KRIT1: variants seen among roughly 807,000 people sequenced by gnomAD.
KRIT1 encodes the protein krev interaction trapped protein 1.
Under a neutral mutation model 95.8 loss-of-function variants are expected in KRIT1, and 45 were observed. That is an observed-to-expected ratio of 0.47 (90% confidence interval 0.37 to 0.60). The LOEUF (loss-of-function observed/expected upper bound fraction) is 0.60, where lower values mean the gene tolerates loss of function less well. Ranked by LOEUF, KRIT1 falls within the 20% of genes least tolerant of loss-of-function variation. KRIT1 has a pLI of 0.00. For synonymous variants in KRIT1, 282 were observed against 278.8 expected, an observed-to-expected ratio of 1.01 and a Z score of -0.11; for missense variants, 788 against 877.5, an observed-to-expected ratio of 0.90 and a Z score of 1.29.
intron 10 of KRIT1, among the ~76,000 whole-genome samples, chr7:92,231,651 G>A (rs1797317274): frequency 6.6e-6 from 1 of 152,134 alleles, no homozygotes; most frequent in African/African-American, 2.4e-5. Context: ...GTGAATAAGA[G>A]TATACTTCCA....
intron 10 of KRIT1, among the ~76,000 whole-genome samples, chr7:92,230,658 A>G (rs545667178): frequency 6.6e-6 from 1 of 152,164 alleles, no homozygotes; most frequent in Non-Finnish European, 1.5e-5. Flanking sequence ...AGAATCATGC[A>G]TGTTTGAGGG....
chr7:92,210,759 G>A (rs1792627238), intron 17 of KRIT1, among the ~76,000 whole-genome samples: 1 of 152,186 alleles, frequency 6.6e-6, no homozygotes, highest in South Asian at 2.1e-4. Flanking sequence ...TGGTGAATGG[G>A]AGACAGTATT....
At chr7:92,232,526 AAAC>A (rs1243084545) in intron 10 of KRIT1, among the ~76,000 whole-genome samples, 1 of 151,126 alleles carries the variant, frequency 6.6e-6, no homozygotes, top group Non-Finnish European at 1.5e-5. Context: ...AAAAAAAAAA[AAAC>A]ACCCCTGCCA....
intron 5 of KRIT1, 145 bp downstream of exon 5, chr7:92,240,848 C>T: frequency 1.4e-6 from 1 of 705,020 alleles, no homozygotes; most frequent in Non-Finnish European, 2.4e-6. Flanking sequence ...TTGGGTGTAC[C>T]TTAAAAAACA....
At chr7:92,235,316 G>C in intron 8 of KRIT1, 87 bp downstream of exon 8, 1 of 1,308,702 alleles carries the variant, frequency 7.6e-7, no homozygotes. Flanking sequence ...TTTATAATTA[G>C]TAATAGATGT....
intron 5 of KRIT1, among the ~76,000 whole-genome samples, chr7:92,238,215 C>T (rs992296934): frequency 5.9e-5 from 9 of 152,156 alleles, no homozygotes; most frequent in African/African-American, 1.7e-4. Context: ...TCTGATTGGG[C>T]TACAAACTAT....
intron 10 of KRIT1, among the ~76,000 whole-genome samples, chr7:92,228,698 G>A (rs778698860): frequency 3.4e-4 from 52 of 152,040 alleles, no homozygotes; most frequent in Non-Finnish European, 5.9e-4. Context: ...CAGGTACTAA[G>A]CCTAGTACCC....
At chr7:92,230,700 T>G (rs1241253678) in intron 10 of KRIT1, among the ~76,000 whole-genome samples, 1 of 152,036 alleles carries the variant, frequency 6.6e-6, no homozygotes. Context: ...AAAAGAAAAG[T>G]GAATTTAAGG....
intron 17 of KRIT1, among the ~76,000 whole-genome samples, chr7:92,211,607 G>C (rs1792855262): frequency 6.6e-6 from 1 of 152,140 alleles, no homozygotes; most frequent in Admixed American, 6.5e-5. Flanking sequence ...GTACACTAGG[G>C]TGACTATAGT....
chr7:92,201,061 A>G (rs1187119381), intron 18 of KRIT1, among the ~76,000 whole-genome samples: 1 of 152,240 alleles, frequency 6.6e-6, no homozygotes, highest in African/African-American at 2.4e-5. Flanking sequence ...TAGATGAGAC[A>G]GGTAATACTG....
rs927619668 is a variant in KRIT1, at chr7:92,241,358, G to A, written c.103-206C>T. Among the ~76,000 whole-genome samples the A allele has an allele frequency of 3.9e-5, 6 of 152,292 alleles. 1 individual carries two copies. The highest frequency in any genetic ancestry group is 4.8e-5 in the African/African-American group (2 of 41,562). On this transcript the variant is annotated intron_variant, in intron 4 of 18. Transcript: ENST00000394505. ...TACAGTTTTAAGATGCTTCTACAGT[G>A]CAGCCAGGAGTGAGAAATGGTAAGC...
At chr7:92,215,503 TCTG>T (rs1455458875) in intron 14 of KRIT1, among the ~76,000 whole-genome samples, 1 of 152,234 alleles carries the variant, frequency 6.6e-6, no homozygotes, top group African/African-American at 2.4e-5. Context: ...AGGGTCTTGC[TCTG>T]CCAGCCAGGC....
intron 2 of KRIT1, 143 bp downstream of exon 2, chr7:92,244,758 TA>T (rs1242744507): frequency 6.6e-6 from 1 of 152,216 alleles, no homozygotes; most frequent in African/African-American, 2.4e-5. Flanking sequence ...TTCAAGTGAA[TA>T]AGTACAGGAA....
intron 13 of KRIT1, among the ~76,000 whole-genome samples, chr7:92,222,571 A>G (rs1019147430): frequency 6.6e-6 from 1 of 152,250 alleles, no homozygotes; most frequent in East Asian, 1.9e-4. Flanking sequence ...CATTCAAATC[A>G]AATGCCATTG....
At chr7:92,207,685 C>T (rs1221865113) in intron 17 of KRIT1, among the ~76,000 whole-genome samples, 3 of 152,034 alleles carry the variant, frequency 2.0e-5, no homozygotes, top group African/African-American at 4.8e-5. Flanking sequence ...GGCTACACCT[C>T]GTCTCTACTA....
chr7:92,241,910 G>A (rs1799737999), intron 4 of KRIT1, 124 bp downstream of exon 4: 2 of 634,154 alleles, frequency 3.2e-6, no homozygotes, highest in Non-Finnish European at 5.6e-6. Flanking sequence ...CAAAATAATG[G>A]GCAGAGACCT....
intron 14 of KRIT1, among the ~76,000 whole-genome samples, chr7:92,220,606 A>G (rs1794926021): frequency 6.6e-6 from 1 of 151,936 alleles, no homozygotes; most frequent in South Asian, 2.1e-4. Flanking sequence ...TAACATTGTA[A>G]GACTGTGAAA....
rs1036702763 is a variant in KRIT1, at chr7:92,240,933, A to G, written c.262+60T>C. 4.5e-5 allele frequency: 60 copies of G among 1,325,928 alleles called. No homozygotes were observed. In the African/African-American group the frequency reaches 8.3e-4, roughly 18 times the overall value. The allele number at this position is 1,325,928 out of a possible 1,614,324, so 82.1% of individuals were successfully genotyped here. A position where few individuals can be genotyped will look rare whatever the true frequency, so the allele number is the denominator to read the frequency against. On this transcript the variant is annotated intron_variant, in intron 5 of 18. Transcript: ENST00000394505. The stretch of plus-strand genomic sequence containing the variant: ...TTGGTTTAATATGTGTATATTTTTA[A>G]AAGAATCTTTCTCCACAAGTATTTT...
In KRIT1 at chr7:92,222,891, T is replaced by C. The variant is rs1291992806; in HGVS notation, c.1342A>G (p.Met448Val). The change falls in exon 13 of 19, where the codon ATG becomes GTG. Residue 448 changes from methionine to valine, a missense_variant. By Grantham distance (21) the Met-to-Val change is conservative. Coordinates refer to ENST00000394505, the MANE Select transcript of KRIT1 (RefSeq NM_194454.3). Reference sequence around the variant, plus strand: ...TCTTGAGAGAGACGCATTCCTTCCATTATCTGCTGCACTGTGGTATTATTT... The same window carrying C: ...TCTTGAGAGAGACGCATTCCTTCCACTATCTGCTGCACTGTGGTATTATTT... ...HGNNTTVQQI[M>V]EGMRLSQETQ... 1.9e-6 allele frequency: 3 copies of C among 1,605,138 alleles called. No individual in the cohort carries two copies. The African/African-American group carries it at 4.0e-5, about 21-fold the overall frequency.
Sources: gnomAD v4.1 joint callset for allele counts (sites outside exome capture counted in the v4.1 genomes callset) on GRCh38, gnomAD v4.1.1 for gene constraint, MANE v1.5 for transcripts, NCBI Gene and HGNC (gene_info 2026-07-23, HGNC 2026-07-21) for gene names.